The following DPY19L3 variants were observed in gnomAD, a reference collection of about 807,000 sequenced individuals.
DPY19L3 encodes the protein dpy-19 like C-mannosyltransferase 3, also known as protein C-mannosyl-transferase DPY19L3.
DPY19L3 carries 51 observed loss-of-function variants against 92.3 expected under a neutral mutation model. That is an observed-to-expected ratio of 0.55 (90% CI 0.44 to 0.70). DPY19L3 has a LOEUF of 0.70. Ranked by LOEUF, DPY19L3 falls within the 30% of genes least tolerant of loss-of-function variation. The pLI, the probability that DPY19L3 is intolerant of heterozygous loss-of-function variation, is 0.00. For synonymous variants in DPY19L3, 309 were observed against 315.2 expected, an observed-to-expected ratio of 0.98 and a Z score of 0.21; for missense variants, 706 against 855.9, an observed-to-expected ratio of 0.82 and a Z score of 2.18.
Position 32,432,721 on chromosome 19 carries a change from G to C in DPY19L3, c.243G>C (p.Val81=). 2 of 1,613,636 alleles carry C rather than the reference G, an allele frequency of 1.2e-6. No individual in the cohort carries two copies. Among genetic ancestry groups the C allele is most frequent in the South Asian group, 2.2e-5 (2 of 91,038 alleles). Residue 81 remains valine (V), a synonymous_variant, in exon 4 of 19, where the codon GTG becomes GTC. Coordinates refer to ENST00000392250, the MANE Select transcript of DPY19L3 (RefSeq NM_001172774.2). ...NDLWFSNIKE[V]EREISFRTEC... ...AGGATCTAACTCTGTTTTAGGAAGTGGAGCGAGAAATCTCATTCAGAACAG... is the reference window on the plus strand; with the variant it reads ...AGGATCTAACTCTGTTTTAGGAAGTCGAGCGAGAAATCTCATTCAGAACAG...
intron 8 of DPY19L3, among the ~76,000 whole-genome samples, chr19:32,445,950 C>T (rs867794549): frequency 1.3e-5 from 2 of 151,730 alleles, no homozygotes; most frequent in Admixed American, 6.6e-5. Flanking sequence ...TGCAGTGAGC[C>T]GAGATTGTGC....
At chr19:32,443,535 A>G (rs1318198099) in intron 8 of DPY19L3, among the ~76,000 whole-genome samples, 4 of 152,180 alleles carry the variant, frequency 2.6e-5, no homozygotes, top group Admixed American at 6.5e-5. Flanking sequence ...TCAGTGAACC[A>G]GGAAATAAGC....
rs115405625 is a variant in DPY19L3, at chr19:32,457,659, A to G, written c.1090-441A>G. 2.8e-3 allele frequency among the ~76,000 whole-genome samples: 432 copies of G among 152,332 alleles called. 5 individuals carry two copies. Among genetic ancestry groups the G allele is most frequent in the African/African-American group, 9.9e-3 (411 of 41,574 alleles). On this transcript the variant is annotated intron_variant, in intron 10 of 18. Coordinates refer to ENST00000392250, the MANE Select transcript of DPY19L3 (RefSeq NM_001172774.2). ...ACTGTCTTGAATTGTCTTTGAGTGA[A>G]TAAGTCTTGGATCAATTGTATCCAC...
At chr19:32,475,807 C>T (rs1010355712) in intron 16 of DPY19L3, among the ~76,000 whole-genome samples, 6 of 152,210 alleles carry the variant, frequency 3.9e-5, no homozygotes, top group Non-Finnish European at 7.3e-5. Flanking sequence ...GGGAACAGAG[C>T]TAACATCTAT....
chr19:32,458,247 T>C lies in DPY19L3; in HGVS notation c.1163+74T>C. 8 of 1,579,150 alleles carry C rather than the reference T, an allele frequency of 5.1e-6. No homozygotes were observed. The Admixed American group carries it at 7.1e-5, about 14-fold the overall frequency. On this transcript the variant is annotated intron_variant, in intron 11 of 18. Coordinates refer to ENST00000392250, the MANE Select transcript of DPY19L3 (RefSeq NM_001172774.2). ...AGGGACTTTAAAACTTAAGTTGTCATTGTGCCTTCAACTATTAATTGCAGA... is the reference window on the plus strand; with the variant it reads ...AGGGACTTTAAAACTTAAGTTGTCACTGTGCCTTCAACTATTAATTGCAGA...
chr19:32,442,998 A>G (rs1158102901), intron 8 of DPY19L3, among the ~76,000 whole-genome samples: 1 of 152,188 alleles, frequency 6.6e-6, no homozygotes, highest in Non-Finnish European at 1.5e-5. Flanking sequence ...TGGTAATGAG[A>G]CATCCTGTCC....
At chr19:32,437,682 A>C (rs1427973397) in intron 6 of DPY19L3, among the ~76,000 whole-genome samples, 2 of 152,098 alleles carry the variant, frequency 1.3e-5, no homozygotes. Context: ...ATAATTATAC[A>C]TATTCATGGG....
At chr19:32,460,844 CTTGTTTTGTT>C (rs59020860) in intron 12 of DPY19L3, among the ~76,000 whole-genome samples, 5,010 of 148,230 alleles carry the variant, frequency 0.034, 111 homozygotes, top group Middle Eastern at 0.087. Flanking sequence ...GATACTATGA[CTTGTTTTGTT>C]TTGTTTTGTT....
At chr19:32,482,010 C>A in intron 18 of DPY19L3, 69 bp from the exon 19 acceptor site, 1 of 1,551,922 alleles carries the variant, frequency 6.4e-7, no homozygotes, top group Non-Finnish European at 8.8e-7. Flanking sequence ...AATACCCATT[C>A]CTGCTCCTAC....
intron 12 of DPY19L3, among the ~76,000 whole-genome samples, chr19:32,461,049 A>G (rs1970025547): frequency 6.6e-6 from 1 of 152,154 alleles, no homozygotes; most frequent in African/African-American, 2.4e-5. Context: ...TATTTTTAGT[A>G]GAAACAGGGT....
intron 17 of DPY19L3, chr19:32,479,533 CA>C: frequency 2.6e-6 from 1 of 385,266 alleles, no homozygotes; most frequent in Non-Finnish European, 5.1e-6. Context: ...GTCACAGTAA[CA>C]GCATCCTACC....
intron 16 of DPY19L3, among the ~76,000 whole-genome samples, chr19:32,470,002 A>T (rs1041584114): frequency 2.0e-5 from 3 of 152,244 alleles, no homozygotes; most frequent in Non-Finnish European, 4.4e-5. Flanking sequence ...AGTACAGGTC[A>T]GCCCTGCGTG....
chr19:32,407,306 A>G (rs1416770514), intron 1 of DPY19L3, among the ~76,000 whole-genome samples: 1 of 123,620 alleles, frequency 8.1e-6, no homozygotes, highest in African/African-American at 3.3e-5. Context: ...CTGGGATAGC[A>G]GCTGCCCTGA....
rs1024637327 is a variant in DPY19L3, at chr19:32,453,086, C to T, written c.856-59C>T. 1.6e-4 allele frequency: 251 copies of T among 1,593,170 alleles called. 1 individual carries two copies. The highest frequency in any genetic ancestry group is 5.0e-5 in the Non-Finnish European group (58 of 1,167,398). On this transcript the variant is annotated intron_variant, in intron 8 of 18. Transcript: ENST00000392250. ...TGTATCCACCTCATGACCAACATGT[C>T]GACATGTGATGATCTCTTGGTAAAA...
chr19:32,407,003 T>TC (rs1967981129), intron 1 of DPY19L3, among the ~76,000 whole-genome samples: 1 of 81,112 alleles, frequency 1.2e-5, no homozygotes, highest in Admixed American at 1.7e-4. Context: ...GGCTTCCTGC[T>TC]TTTTTTTTTT....
chr19:32,426,356 C>T (rs1354343975), intron 3 of DPY19L3, among the ~76,000 whole-genome samples: 1 of 152,178 alleles, frequency 6.6e-6, no homozygotes, highest in Non-Finnish European at 1.5e-5. Context: ...ATCATTGGTG[C>T]GTTCACTGGA....
intron 3 of DPY19L3, chr19:32,412,002 G>A (rs972635693): frequency 2.6e-5 from 4 of 152,120 alleles, no homozygotes; most frequent in African/African-American, 9.7e-5. Context: ...TAAGCTTCCT[G>A]TGTCACTGGG....
intron 4 of DPY19L3, among the ~76,000 whole-genome samples, chr19:32,434,969 T>C (rs75904162): frequency 0.018 from 2,667 of 152,330 alleles, 33 homozygotes; most frequent in Middle Eastern, 0.071. Context: ...TGTGTTAGAC[T>C]TTAGGCTTGC....
chr19:32,413,809 ACT>A (rs918090770), intron 3 of DPY19L3, among the ~76,000 whole-genome samples: 1 of 151,620 alleles, frequency 6.6e-6, no homozygotes, highest in Non-Finnish European at 1.5e-5. Context: ...CAGCCCCCAA[ACT>A]CTGGGCTGAA....
Sources: allele counts gnomAD v4.1 joint callset (sites outside exome capture counted in the v4.1 genomes callset), GRCh38; gene constraint gnomAD v4.1.1; transcripts MANE v1.5; gene names NCBI Gene and HGNC (gene_info 2026-07-23, HGNC 2026-07-21).